The following MAPK4 variants were observed in gnomAD, a reference collection of about 807,000 sequenced individuals.
MAPK4 encodes the protein mitogen-activated protein kinase 4.
In MAPK4, 22 loss-of-function variants were observed where a neutral mutation model predicts 47.7. The observed-to-expected ratio is 0.46, with a 90% confidence interval of 0.33 to 0.66. The LOEUF is 0.66. Among genes scored for constraint, MAPK4 ranks in the 30% least tolerant of loss-of-function variants. The pLI, the probability that MAPK4 is intolerant of heterozygous loss-of-function variation, is 0.02. For missense variants in MAPK4, 736 were observed against 831.7 expected (o/e 0.88, Z 1.42); for synonymous variants, 390 against 365.7 (o/e 1.07, Z -0.76).
In MAPK4 at chr18:50,627,090, C is replaced by T. The variant is rs376761604; in HGVS notation, c.-870-35999C>T. On this transcript the variant is annotated intron_variant, in intron 1 of 5. Transcript: ENST00000400384. ...ATCTTGGCCACATGGCCTCCATTTC[C>T]GCTCCTGCTTTGTTTCCTCAGCTGG... 3.3e-4 allele frequency among the ~76,000 whole-genome samples: 46 copies of T among 139,160 alleles called. No individual in the cohort carries two copies. In the East Asian group the frequency reaches 7.4e-3, roughly 22 times the overall value. 91.3% of individuals were successfully genotyped at this position (139,160 alleles called of 152,430 possible).
intron 2 of MAPK4, among the ~76,000 whole-genome samples, chr18:50,689,428 A>T (rs1268249656): frequency 2.0e-5 from 3 of 148,470 alleles, no homozygotes; most frequent in African/African-American, 7.5e-5. Flanking sequence ...AAAAAAAAAA[A>T]GCTATTCTGC....
intron 2 of MAPK4, among the ~76,000 whole-genome samples, chr18:50,692,921 C>A (rs1311752505): frequency 6.6e-6 from 1 of 152,134 alleles, no homozygotes; most frequent in East Asian, 1.9e-4. Context: ...GGGGCATCCA[C>A]CTGAACCACA....
intron 1 of MAPK4, among the ~76,000 whole-genome samples, chr18:50,627,740 A>G (rs536463680): frequency 1.3e-5 from 2 of 152,306 alleles, no homozygotes; most frequent in Admixed American, 6.5e-5. Flanking sequence ...CTGCCTGCCC[A>G]GGAGATGACA....
At chr18:50,707,613 C>T (rs974532283) in intron 2 of MAPK4, among the ~76,000 whole-genome samples, 3 of 149,366 alleles carry the variant, frequency 2.0e-5, no homozygotes, top group South Asian at 2.1e-4. Context: ...TGGATGGTGG[C>T]GATGGTTGTA....
intron 1 of MAPK4, among the ~76,000 whole-genome samples, chr18:50,627,315 G>A (rs2042787685): frequency 6.6e-6 from 1 of 152,206 alleles, no homozygotes; most frequent in South Asian, 2.1e-4. Flanking sequence ...CCCCTCAGGG[G>A]GAAGGTTCTG....
At chr18:50,729,090 G>A (rs1911365246) in intron 5 of MAPK4, 68 bp from the exon 6 acceptor site, 2 of 1,361,734 alleles carry the variant, frequency 1.5e-6, no homozygotes, top group South Asian at 2.7e-5. Context: ...GGGATTAGAG[G>A]GCTTGGCTCC....
chr18:50,561,856 C>T (rs2957993), intron 1 of MAPK4, among the ~76,000 whole-genome samples: 151,764 of 152,330 alleles, frequency 1, 75,602 homozygotes, highest in East Asian at 1. Context: ...AAAAGTCAGC[C>T]TCTTTGCATA....
chr18:50,730,079 C>A lies in MAPK4; in HGVS notation c.*225C>A. On this transcript the variant is annotated 3_prime_UTR_variant, in exon 6 of 6. Transcript: ENST00000400384. ...ACAGGACCCTGGCTTAGGGGTTGAT[C>A]ACTTTCCTAGCAAAGGGGAGACCAC... The A allele has an allele frequency of 2.3e-6, 1 of 435,468 alleles. No homozygotes were observed. Among genetic ancestry groups the A allele is most frequent in the Non-Finnish European group, 4.0e-6 (1 of 247,722 alleles). The allele number at this position is 435,468 out of a possible 1,614,324, so 27.0% of individuals were successfully genotyped here. A position where few individuals can be genotyped will look rare whatever the true frequency, so the allele number is the denominator to read the frequency against.
At chr18:50,632,776 T>C (rs752860504) in intron 1 of MAPK4, among the ~76,000 whole-genome samples, 3 of 152,008 alleles carry the variant, frequency 2.0e-5, no homozygotes, top group Admixed American at 1.3e-4. Context: ...TGTACCACCA[T>C]ACCCAGCTAA....
At chr18:50,643,174 G>A (rs376184708) in intron 1 of MAPK4, among the ~76,000 whole-genome samples, 43 of 152,068 alleles carry the variant, frequency 2.8e-4, no homozygotes, top group African/African-American at 8.7e-4. Context: ...ATTGATTCTC[G>A]AAGTTGAAAA....
chr18:50,668,432 A>G (rs1448688438), intron 2 of MAPK4, among the ~76,000 whole-genome samples: 1 of 152,200 alleles, frequency 6.6e-6, no homozygotes, highest in Admixed American at 6.5e-5. Flanking sequence ...ACCAAAGGAA[A>G]TGGCCTTCTC....
intron 3 of MAPK4, among the ~76,000 whole-genome samples, chr18:50,719,121 A>G (rs1035199265): frequency 2.0e-5 from 3 of 151,068 alleles, no homozygotes; most frequent in South Asian, 4.2e-4. Flanking sequence ...AAACAATGGC[A>G]GGAAAGTCAG....
intron 1 of MAPK4, among the ~76,000 whole-genome samples, chr18:50,583,759 G>C (rs2042366499): frequency 6.6e-6 from 1 of 152,164 alleles, no homozygotes; most frequent in African/African-American, 2.4e-5. Context: ...GTTCCTGTCT[G>C]CCTAGGAATT....
chr18:50,728,166 T>C (rs1437226919), intron 5 of MAPK4, among the ~76,000 whole-genome samples: 1 of 152,212 alleles, frequency 6.6e-6, no homozygotes, highest in African/African-American at 2.4e-5. Flanking sequence ...AGGGAGTAGC[T>C]GGCTGCAGGC....
intron 1 of MAPK4, among the ~76,000 whole-genome samples, chr18:50,616,120 G>C (rs1332684129): frequency 1.3e-5 from 2 of 152,200 alleles, no homozygotes; most frequent in Non-Finnish European, 2.9e-5. Context: ...ATTTGCCAAA[G>C]AAACTCCATT....
At chr18:50,580,637 A>G (rs1054456280) in intron 1 of MAPK4, among the ~76,000 whole-genome samples, 1 of 152,186 alleles carries the variant, frequency 6.6e-6, no homozygotes, top group Non-Finnish European at 1.5e-5. Flanking sequence ...CTTGCCCTAC[A>G]GTGGGAACCA....
At chr18:50,700,883 G>A (rs1203116471) in intron 2 of MAPK4, among the ~76,000 whole-genome samples, 3 of 152,148 alleles carry the variant, frequency 2.0e-5, no homozygotes, top group Non-Finnish European at 4.4e-5. Context: ...AAGAGAGTAA[G>A]GTGACAGAGG....
chr18:50,608,725 A>T (rs1021617550), intron 1 of MAPK4, among the ~76,000 whole-genome samples: 16 of 150,982 alleles, frequency 1.1e-4, no homozygotes, highest in South Asian at 2.1e-4. Context: ...TTTTATTATT[A>T]TTTTTGTTTA....
At chr18:50,684,929 C>T (rs1257370009) in intron 2 of MAPK4, among the ~76,000 whole-genome samples, 1 of 152,206 alleles carries the variant, frequency 6.6e-6, no homozygotes, top group African/African-American at 2.4e-5. Flanking sequence ...GTTTCGGTGG[C>T]ACCGGGCCCC....
Sources: gnomAD v4.1 joint callset for allele counts (sites outside exome capture counted in the v4.1 genomes callset) on GRCh38, gnomAD v4.1.1 for gene constraint, MANE v1.5 for transcripts, NCBI Gene and HGNC (gene_info 2026-07-23, HGNC 2026-07-21) for gene names.